COL22A1: variants seen among roughly 807,000 people sequenced by gnomAD.
COL22A1 encodes the protein collagen alpha-1(XXII) chain.
In COL22A1, 221 loss-of-function variants were observed where a neutral mutation model predicts 248.9. The ratio of observed to expected loss-of-function variants is 0.89; its 90% CI spans 0.80 to 0.99. The LOEUF is 0.99. Among genes scored for constraint, COL22A1 ranks in the 50% least tolerant of loss-of-function variants. The probability of loss-of-function intolerance (pLI) is 0.00; values close to 1 mark genes in which losing one functional copy is unlikely to be tolerated. For missense variants in COL22A1, 2,240 were observed against 2,179.0 expected (o/e 1.03, Z -0.56); for synonymous variants, 891 against 793.4 (o/e 1.12, Z -2.07).
intron 25 of COL22A1, chr8:138,722,306 C>A (rs917209223): frequency 3.5e-6 from 2 of 567,100 alleles, no homozygotes; most frequent in Non-Finnish European, 6.4e-6. Flanking sequence ...ACCCTCTGGG[C>A]AATGTCTGAT....
At position 138,755,481 on chromosome 8, in the gene COL22A1, C is replaced by T; in HGVS notation, c.1977+1G>A. On this transcript the variant is annotated splice_donor_variant, in intron 20 of 64. Transcript: ENST00000303045. LOFTEE classifies it high-confidence loss of function. ...GAGAAGAAGACGCGTGTGCCTCTTA[C>T]CTGTTCCCCTTTCAAGCCCTCTTGC... The T allele has an allele frequency of 3.1e-6, 5 of 1,613,868 alleles. No homozygotes were observed. In the Middle Eastern group the frequency reaches 4.9e-4, roughly 160 times the overall value.
At chr8:138,664,194 T>TGCGCGCGCGC (rs150972699) in intron 41 of COL22A1, among the ~76,000 whole-genome samples, 117 of 85,342 alleles carry the variant, frequency 1.4e-3, no homozygotes, top group East Asian at 3.0e-3. Flanking sequence ...CAACAAGGGG[T>TGCGCGCGCGC]GCGCGCGCGC....
intron 3 of COL22A1, among the ~76,000 whole-genome samples, chr8:138,868,759 C>G (rs1489077451): frequency 6.7e-6 from 1 of 148,976 alleles, no homozygotes; most frequent in Non-Finnish European, 1.5e-5. Context: ...GAGACGAAGT[C>G]TCACTCTGTC....
intron 51 of COL22A1, 151 bp downstream of exon 51, chr8:138,626,039 G>A: frequency 1.6e-6 from 1 of 615,252 alleles, no homozygotes; most frequent in Non-Finnish European, 2.7e-6. Flanking sequence ...TGATAAACAA[G>A]TTAGTGATTA....
chr8:138,770,112 G>A (rs1834240861), intron 16 of COL22A1, among the ~76,000 whole-genome samples: 1 of 152,194 alleles, frequency 6.6e-6, no homozygotes. Flanking sequence ...CAGGGTGACA[G>A]CCTAGTTCCT....
At chr8:138,766,369 C>G (rs11166843) in intron 16 of COL22A1, among the ~76,000 whole-genome samples, 134,310 of 151,878 alleles carry the variant, frequency 0.88, 59,504 homozygotes, top group East Asian at 1. Context: ...CTGATGGATG[C>G]GTGGTCATTA....
At chr8:138,767,227 G>A (rs1003981284) in intron 16 of COL22A1, among the ~76,000 whole-genome samples, 1 of 152,202 alleles carries the variant, frequency 6.6e-6, no homozygotes, top group Non-Finnish European at 1.5e-5. Context: ...CAGTCAGTTA[G>A]GCCAAACGAA....
intron 4 of COL22A1, among the ~76,000 whole-genome samples, chr8:138,841,683 G>A (rs907460660): frequency 6.6e-6 from 1 of 152,312 alleles, no homozygotes; most frequent in African/African-American, 2.4e-5. Flanking sequence ...AGCCCTTGAC[G>A]AAGAGGAGGG....
At chr8:138,907,655 A>AATACAGACTGGGCAATTTATT (rs1815124600) in intron 1 of COL22A1, among the ~76,000 whole-genome samples, 1 of 152,214 alleles carries the variant, frequency 6.6e-6, no homozygotes, top group African/African-American at 2.4e-5. Context: ...CTCTTTTAAT[A>AATACAGACTGGGCAATTTATT]ATACAGACTG....
intron 12 of COL22A1, among the ~76,000 whole-genome samples, chr8:138,795,197 T>C (rs1816400669): frequency 6.6e-6 from 1 of 151,958 alleles, no homozygotes; most frequent in African/African-American, 2.4e-5. Flanking sequence ...CGGCAGGAGA[T>C]TTTTAGGTCG....
intron 23 of COL22A1, among the ~76,000 whole-genome samples, chr8:138,736,173 C>T (rs529541348): frequency 4.1e-4 from 63 of 151,978 alleles, no homozygotes; most frequent in Middle Eastern, 3.4e-3. Flanking sequence ...TTTTTTATGG[C>T]GAGAGCTGAG....
At chr8:138,876,283 C>T (rs555367350) in intron 3 of COL22A1, among the ~76,000 whole-genome samples, 1 of 152,280 alleles carries the variant, frequency 6.6e-6, no homozygotes, top group East Asian at 1.9e-4. Context: ...CTCTAAACAA[C>T]CTAAGCACCA....
intron 37 of COL22A1, among the ~76,000 whole-genome samples, 163 bp from the exon 38 acceptor site, chr8:138,685,475 G>A (rs1826277680): frequency 6.6e-6 from 1 of 152,152 alleles, no homozygotes; most frequent in African/African-American, 2.4e-5. Context: ...TGTAATGTGT[G>A]TTATAGGTTA....
intron 61 of COL22A1, among the ~76,000 whole-genome samples, chr8:138,597,454 T>G (rs951804083): frequency 2.6e-5 from 4 of 152,182 alleles, no homozygotes; most frequent in Non-Finnish European, 4.4e-5. Context: ...TTTTCCCTGC[T>G]TAGGTCCACT....
At chr8:138,774,442 G>A (rs867318644) in intron 16 of COL22A1, among the ~76,000 whole-genome samples, 6 of 143,892 alleles carry the variant, frequency 4.2e-5, no homozygotes, top group Admixed American at 2.1e-4. Flanking sequence ...TTTCTGAGAC[G>A]GAGTCTTGCT....
intron 55 of COL22A1, among the ~76,000 whole-genome samples, chr8:138,614,569 G>A (rs1345695302): frequency 2.0e-5 from 3 of 152,206 alleles, no homozygotes; most frequent in African/African-American, 4.8e-5. Flanking sequence ...TCCCATCCCA[G>A]CTCTAGCCCT....
rs765605537 is a variant in COL22A1 at position 138,615,992 on chromosome 8, C to A, written c.3924+9G>T. 1 of 1,610,812 alleles carries A rather than the reference C, an allele frequency of 6.2e-7. No homozygotes were observed. Among genetic ancestry groups the A allele is most frequent in the Admixed American group, 1.7e-5 (1 of 59,996 alleles). On this transcript the variant is annotated intron_variant, in intron 55 of 64. Coordinates refer to ENST00000303045, the MANE Select transcript of COL22A1 (RefSeq NM_152888.3). The stretch of plus-strand genomic sequence containing the variant: ...CCAGCCCAGCCAGGTCCCACAGGAC[C>A]CCACTTACATCTTTTCCTGGTAACC...
intron 22 of COL22A1, among the ~76,000 whole-genome samples, chr8:138,738,812 G>A (rs1326794713): frequency 1.3e-5 from 2 of 152,086 alleles, no homozygotes; most frequent in Non-Finnish European, 1.5e-5. Context: ...ACTTGATATC[G>A]TCCTCTCCTC....
At chr8:138,778,454 G>C in intron 14 of COL22A1, 48 bp from the exon 15 acceptor site, 1 of 1,517,418 alleles carries the variant, frequency 6.6e-7, no homozygotes, top group Non-Finnish European at 8.9e-7. Context: ...GGAAAAGAAA[G>C]GCAAGTGCAG....
Sources: allele counts gnomAD v4.1 joint callset (sites outside exome capture counted in the v4.1 genomes callset), GRCh38; gene constraint gnomAD v4.1.1; transcripts MANE v1.5; gene names NCBI Gene and HGNC (gene_info 2026-07-23, HGNC 2026-07-21).